Variants in ABTB3 observed in about 807,000 individuals in gnomAD.
The protein encoded by ABTB3 is ankyrin repeat and BTB domain containing 3, also known as ankyrin repeat- and BTB/POZ domain-containing protein 3.
At chr12:107,607,578 C>G in the ABTB3 span, among the ~76,000 whole-genome samples, 1 of 152,168 alleles carries the variant, frequency 6.6e-6, no homozygotes, top group Non-Finnish European at 1.5e-5. Context: ...GCAAATAGGC[C>G]CTTGGAGGCC....
chr12:107,338,895 T>C, the ABTB3 span, among the ~76,000 whole-genome samples: 1 of 152,194 alleles, frequency 6.6e-6, no homozygotes, highest in Non-Finnish European at 1.5e-5. Context: ...GGTATAATCA[T>C]AGTGCTCTAT....
chr12:107,409,519 G>A, the ABTB3 span, among the ~76,000 whole-genome samples: 7 of 152,216 alleles, frequency 4.6e-5, no homozygotes, highest in Non-Finnish European at 7.3e-5. Context: ...GGAATACTAT[G>A]CAACCATAAA....
chr12:107,433,377 C>T, the ABTB3 span, among the ~76,000 whole-genome samples: 1 of 149,400 alleles, frequency 6.7e-6, no homozygotes, highest in Admixed American at 6.6e-5. Flanking sequence ...TTATTCAAAC[C>T]ATAAAGATGA....
At chr12:107,421,041 A>T in the ABTB3 span, among the ~76,000 whole-genome samples, 1 of 152,154 alleles carries the variant, frequency 6.6e-6, no homozygotes, top group African/African-American at 2.4e-5. Flanking sequence ...AGTAGAGAGG[A>T]AGTCTACTGA....
At chr12:107,608,884 AAAATAAAAT>A in the ABTB3 span, among the ~76,000 whole-genome samples, 9 of 76,986 alleles carry the variant, frequency 1.2e-4, 1 homozygote, top group African/African-American at 4.9e-4. Context: ...AATTTAAAAT[AAAATAAAAT>A]AAATAAAATA....
the ABTB3 span, among the ~76,000 whole-genome samples, chr12:107,553,811 A>G: frequency 6.6e-6 from 1 of 152,162 alleles, no homozygotes; most frequent in African/African-American, 2.4e-5. Flanking sequence ...ATCGTGGCAC[A>G]TGCCTGTAGT....
At chr12:107,350,367 G>A in the ABTB3 span, among the ~76,000 whole-genome samples, 29 of 151,914 alleles carry the variant, frequency 1.9e-4, no homozygotes, top group African/African-American at 6.3e-4. Flanking sequence ...TGGCTAACAC[G>A]GTGAAACCCC....
At chr12:107,377,985 G>C in the ABTB3 span, among the ~76,000 whole-genome samples, 2 of 152,226 alleles carry the variant, frequency 1.3e-5, no homozygotes, top group Non-Finnish European at 2.9e-5. Context: ...TCATCTGGTA[G>C]GGAAGTAAAA....
chr12:107,460,918 T>G, the ABTB3 span, among the ~76,000 whole-genome samples: 1 of 152,110 alleles, frequency 6.6e-6, no homozygotes, highest in Non-Finnish European at 1.5e-5. Flanking sequence ...GCTGTGCAGA[T>G]GTAATTAGTT....
At chr12:107,425,192 G>T in the ABTB3 span, among the ~76,000 whole-genome samples, 2 of 152,090 alleles carry the variant, frequency 1.3e-5, no homozygotes. Context: ...GCTTCCATGC[G>T]TTTGCCAATG....
chr12:107,605,659 G>T, the ABTB3 span, among the ~76,000 whole-genome samples: 2 of 152,182 alleles, frequency 1.3e-5, no homozygotes, highest in Non-Finnish European at 2.9e-5. Flanking sequence ...TTTAAGCAGG[G>T]GCATAACATG....
At chr12:107,422,511 T>C in the ABTB3 span, among the ~76,000 whole-genome samples, 1 of 152,190 alleles carries the variant, frequency 6.6e-6, no homozygotes, top group African/African-American at 2.4e-5. Flanking sequence ...GAATAGGCTG[T>C]AGAAAGATAA....
chr12:107,590,775 G>A, the ABTB3 span, among the ~76,000 whole-genome samples: 1 of 152,192 alleles, frequency 6.6e-6, no homozygotes, highest in Non-Finnish European at 1.5e-5. Flanking sequence ...ATTCAGGCTG[G>A]CAGTGTTGAG....
At chr12:107,521,369 G>A in the ABTB3 span, among the ~76,000 whole-genome samples, 1 of 151,602 alleles carries the variant, frequency 6.6e-6, no homozygotes, top group African/African-American at 2.4e-5. Flanking sequence ...GATAGTTCTT[G>A]TTATCAGGCA....
At chr12:107,368,661 G>C in the ABTB3 span, among the ~76,000 whole-genome samples, 1 of 152,162 alleles carries the variant, frequency 6.6e-6, no homozygotes, top group South Asian at 2.1e-4. Context: ...TCGATAATCA[G>C]TACCAGGTGA....
the ABTB3 span, among the ~76,000 whole-genome samples, chr12:107,464,822 T>C: frequency 6.6e-6 from 1 of 152,190 alleles, no homozygotes; most frequent in African/African-American, 2.4e-5. Flanking sequence ...CAGGGGATGT[T>C]GGGCAATGTC....
At chr12:107,350,300 C>G in the ABTB3 span, among the ~76,000 whole-genome samples, 2 of 152,174 alleles carry the variant, frequency 1.3e-5, no homozygotes, top group Non-Finnish European at 2.9e-5. Flanking sequence ...ACCTGTAATC[C>G]CAGCACTTTG....
the ABTB3 span, among the ~76,000 whole-genome samples, chr12:107,567,557 C>T: frequency 6.6e-5 from 10 of 152,210 alleles, no homozygotes; most frequent in Non-Finnish European, 1.3e-4. Flanking sequence ...TAGCCTATCC[C>T]TTATAGGCTA....
the ABTB3 span, among the ~76,000 whole-genome samples, chr12:107,345,086 T>C: frequency 6.6e-6 from 1 of 152,212 alleles, no homozygotes; most frequent in African/African-American, 2.4e-5. Context: ...TTGCTTTTCC[T>C]GTTGCTCAGG....
Sources: gnomAD v4.1 joint callset for allele counts (sites outside exome capture counted in the v4.1 genomes callset) on GRCh38, gnomAD v4.1.1 for gene constraint, MANE v1.5 for transcripts, NCBI Gene and HGNC (gene_info 2026-07-23, HGNC 2026-07-21) for gene names.